Variants in EPS8 observed in about 807,000 individuals in gnomAD.
EPS8 encodes epidermal growth factor receptor kinase substrate 8.
EPS8 carries 42 observed loss-of-function variants against 103.8 expected under a neutral mutation model. The observed-to-expected ratio is 0.40, with a 90% CI of 0.32 to 0.52. The LOEUF (loss-of-function observed/expected upper bound fraction) is 0.52, where lower values mean the gene tolerates loss of function less well. Ranked by LOEUF, EPS8 falls within the 20% of genes least tolerant of loss-of-function variation. EPS8 has a pLI of 0.40. For missense variants in EPS8, 969 were observed against 1,005.1 expected, an observed-to-expected ratio of 0.96 and a Z score of 0.49; for synonymous variants, 344 against 344.6, an observed-to-expected ratio of 1.00 and a Z score of 0.02.
At chr12:15,737,770 T>C (rs1283414825) in intron 1 of EPS8, among the ~76,000 whole-genome samples, 1 of 152,174 alleles carries the variant, frequency 6.6e-6, no homozygotes, top group Non-Finnish European at 1.5e-5. Context: ...TCTCAAAGCA[T>C]ATCCTAGTGA....
intron 3 of EPS8, among the ~76,000 whole-genome samples, chr12:15,672,769 T>C (rs556026680): frequency 1.3e-5 from 2 of 152,288 alleles, no homozygotes; most frequent in South Asian, 4.1e-4. Context: ...CATCTAGAAA[T>C]AATCACTATT....
At chr12:15,723,700 T>C (rs1946623206) in intron 1 of EPS8, among the ~76,000 whole-genome samples, 1 of 152,180 alleles carries the variant, frequency 6.6e-6, no homozygotes, top group Non-Finnish European at 1.5e-5. Context: ...ACCACATCTG[T>C]TTATCTTTTT....
chr12:15,677,400 T>C (rs1945926938), intron 3 of EPS8, among the ~76,000 whole-genome samples: 1 of 152,108 alleles, frequency 6.6e-6, no homozygotes, highest in African/African-American at 2.4e-5. Flanking sequence ...GGAGGCCCAC[T>C]ATAGTGTCAG....
At chr12:15,709,139 G>A (rs1326766997) in intron 1 of EPS8, among the ~76,000 whole-genome samples, 1 of 152,082 alleles carries the variant, frequency 6.6e-6, no homozygotes, top group Non-Finnish European at 1.5e-5. Flanking sequence ...TAATAAGCAT[G>A]TACTGAATGC....
chr12:15,732,655 G>A (rs1946729280), intron 1 of EPS8: 3 of 425,930 alleles, frequency 7.0e-6, no homozygotes, highest in Non-Finnish European at 9.4e-6. Context: ...ATTTTTTGGA[G>A]AAGTCAAATA....
At chr12:15,746,536 A>G (rs115609941) in intron 1 of EPS8, among the ~76,000 whole-genome samples, 1,526 of 152,128 alleles carry the variant, frequency 0.01, 32 homozygotes, top group African/African-American at 0.034. Flanking sequence ...TCTTTTTCTA[A>G]GACTATAAGA....
intron 1 of EPS8, among the ~76,000 whole-genome samples, chr12:15,705,961 TA>T (rs1946381012): frequency 6.6e-6 from 1 of 152,222 alleles, no homozygotes; most frequent in African/African-American, 2.4e-5. Flanking sequence ...GTATCATTAT[TA>T]AATTCTTGTA....
Position 15,761,551 on chromosome 12 carries a change from T to C in EPS8, c.-22+27610A>G, listed in dbSNP as rs1947041434. On this transcript the variant is annotated intron_variant, in intron 1 of 20. Coordinates refer to ENST00000281172, the MANE Select transcript of EPS8 (RefSeq NM_004447.6). The surrounding 1 kb of genome is among the most constrained non-coding windows in gnomAD (Gnocchi z 4.5). ...TTCAAATTATACTATGGAGCTATAG[T>C]AACCAAAAAGGCATGGAACTGGAAT... 6.6e-6 allele frequency among the ~76,000 whole-genome samples: 1 copy of C among 152,128 alleles called. No homozygotes were observed. The highest frequency in any genetic ancestry group is 2.1e-4 in the South Asian group (1 of 4,826).
At position 15,734,878 on chromosome 12, in the gene EPS8, T is replaced by C. The variant is rs1049149701; in HGVS notation, c.-21-51906A>G. Among the ~76,000 whole-genome samples, 4 of 152,178 alleles carry C rather than the reference T, an allele frequency of 2.6e-5. No homozygotes were observed. The highest frequency in any genetic ancestry group is 9.7e-5 in the African/African-American group (4 of 41,444). ...ATGATCTCAATTGATTCTTATAATA[T>C]GTAAGCTGGAAGGTAAGCAGGGCCA... On this transcript the variant is annotated intron_variant, in intron 1 of 20. Transcript: ENST00000281172. This position sits in a 1 kb window ranked among gnomAD's most constrained non-coding sequence, Gnocchi z 4.1.
At chr12:15,746,919 T>C (rs932289464) in intron 1 of EPS8, among the ~76,000 whole-genome samples, 1 of 152,188 alleles carries the variant, frequency 6.6e-6, no homozygotes, top group Non-Finnish European at 1.5e-5. Context: ...CCCTACTAAC[T>C]AGTTCTTCTT....
At position 15,658,194 on chromosome 12, in the gene EPS8, A is replaced by C. The variant is rs753026247; in HGVS notation, c.1027-41T>G. On this transcript the variant is annotated intron_variant, in intron 11 of 20. Transcript: ENST00000281172. ...AACAGAAAACAGATTACTATCAAGC[A>C]AGACAGACACTCAGAAAGGTCCAAC... 7 of 1,389,232 alleles carry C rather than the reference A, an allele frequency of 5.0e-6. No individual in the cohort carries two copies. The South Asian group carries it at 5.8e-5, about 12-fold the overall frequency. 86.1% of individuals were successfully genotyped at this position (1,389,232 alleles called of 1,614,324 possible). A position where few individuals can be genotyped will look rare whatever the true frequency, so the allele number is the denominator to read the frequency against.
rs1389900415 is a variant in EPS8 at position 15,666,508 on chromosome 12, A to C, written c.531T>G (p.Ser177Arg). 6.2e-7 allele frequency: 1 copy of C among 1,613,310 alleles called. No individual in the cohort carries two copies. Among genetic ancestry groups the C allele is most frequent in the Non-Finnish European group, 8.5e-7 (1 of 1,179,572 alleles). ...CACTGATTGCACTTTCAATATCTTC[A>C]CTAATTAGGTTTGCCTGCAAAGAGA... is the stretch of plus-strand genomic sequence containing the variant. ...QCDEVKANLI[S>R]EDIESAISDS... Residue 177 changes from serine to arginine, a missense_variant, in exon 7 of 21, where the codon AGT (serine) becomes AGG (arginine). Physicochemically the swap from Ser to Arg is moderately radical, Grantham distance 110. Coordinates refer to ENST00000281172, the MANE Select transcript of EPS8 (RefSeq NM_004447.6).
In EPS8 at chr12:15,751,810, T is replaced by A. The variant is rs1228145393; in HGVS notation, c.-22+37351A>T. On this transcript the variant is annotated intron_variant, in intron 1 of 20. Coordinates refer to ENST00000281172, the MANE Select transcript of EPS8 (RefSeq NM_004447.6). The surrounding 1 kb of genome is among the most constrained non-coding windows in gnomAD (Gnocchi z 4.3). ...TACTTACACCATAGCTCAGACAACATGTTAGACGTTAACTAGACTTCTGAT... is the reference window on the plus strand; with the variant it reads ...TACTTACACCATAGCTCAGACAACAAGTTAGACGTTAACTAGACTTCTGAT... Among the ~76,000 whole-genome samples the A allele has an allele frequency of 1.3e-5, 2 of 152,028 alleles. No homozygotes were observed. The highest frequency in any genetic ancestry group is 2.9e-5 in the Non-Finnish European group (2 of 68,020).
chr12:15,670,690 C>T (rs929633143), intron 4 of EPS8, among the ~76,000 whole-genome samples, 166 bp downstream of exon 4: 22 of 152,020 alleles, frequency 1.4e-4, no homozygotes, highest in Admixed American at 1.2e-3. Flanking sequence ...CACAGACTAA[C>T]AAGATACTTT....
intron 17 of EPS8, among the ~76,000 whole-genome samples, chr12:15,633,695 A>G (rs980254647): frequency 6.6e-6 from 1 of 152,208 alleles, no homozygotes; most frequent in Non-Finnish European, 1.5e-5. Context: ...TGTATGCCAT[A>G]AATTATATTT....
At chr12:15,753,284 C>T (rs543863812) in intron 1 of EPS8, among the ~76,000 whole-genome samples, 1 of 152,202 alleles carries the variant, frequency 6.6e-6, no homozygotes, top group East Asian at 1.9e-4. Flanking sequence ...TGTAAGAATG[C>T]TACTAGTAAT....
chr12:15,676,243 G>A, intron 3 of EPS8, among the ~76,000 whole-genome samples: 1 of 142,588 alleles, frequency 7.0e-6, no homozygotes. Context: ...CTGGGCGACA[G>A]GGCAAGACTC....
At chr12:15,680,858 T>A (rs1352937950) in intron 3 of EPS8, among the ~76,000 whole-genome samples, 1 of 152,008 alleles carries the variant, frequency 6.6e-6, no homozygotes. Context: ...CCCCCCAAAA[T>A]TCAAGAGCTA....
In EPS8 at chr12:15,654,224, T is replaced by C. The variant is rs1299430707; in HGVS notation, c.1171A>G (p.Ile391Val). ...TTGACAGTATAATTTAAGAAATCAA[T>C]TGTGTCCTTATTCAATAGGGGACTA... ...VLSPLLNKDTIDFLNYTVNGD... is the reference protein window; with the variant it reads ...VLSPLLNKDTVDFLNYTVNGD... Residue 391 changes from isoleucine (I) to valine (V), a missense_variant, in exon 13 of 21, where the codon ATT (isoleucine) becomes GTT (valine). Coordinates refer to ENST00000281172, the MANE Select transcript of EPS8 (RefSeq NM_004447.6). 1 of 1,613,688 alleles carries C rather than the reference T, an allele frequency of 6.2e-7. No individual in the cohort carries two copies. Among genetic ancestry groups the C allele is most frequent in the Non-Finnish European group, 8.5e-7 (1 of 1,179,666 alleles).
Sources: allele counts gnomAD v4.1 joint callset (sites outside exome capture counted in the v4.1 genomes callset), GRCh38; gene constraint gnomAD v4.1.1; non-coding constraint Gnocchi (gnomAD v3.1); transcripts MANE v1.5; gene names NCBI Gene and HGNC (gene_info 2026-07-23, HGNC 2026-07-21).